The following LARGE1 variants were observed in gnomAD, a reference collection of about 807,000 sequenced individuals.
LARGE1 encodes the protein LARGE xylosyl- and glucuronyltransferase 1.
Under a neutral mutation model 87.6 loss-of-function variants are expected in LARGE1, and 43 were observed. The observed-to-expected ratio is 0.49, with a 90% CI of 0.38 to 0.63. LARGE1 has a LOEUF of 0.63. LARGE1 is among the 30% of genes least tolerant of loss of function. LARGE1 has a pLI of 0.00. For synonymous variants in LARGE1, 434 were observed against 394.6 expected, an observed-to-expected ratio of 1.10 and a Z score of -1.18; for missense variants, 802 against 1,000.2, an observed-to-expected ratio of 0.80 and a Z score of 2.67.
At chr22:33,241,294 C>T (rs1369679173) in intron 11 of LARGE1, among the ~76,000 whole-genome samples, 1 of 152,086 alleles carries the variant, frequency 6.6e-6, no homozygotes, top group African/African-American at 2.4e-5. Context: ...AGGCACACAC[C>T]ATTAGCTTAG....
intron 10 of LARGE1, among the ~76,000 whole-genome samples, chr22:33,333,197 T>G (rs1392953613): frequency 1.3e-5 from 2 of 152,060 alleles, no homozygotes; most frequent in Non-Finnish European, 2.9e-5. Flanking sequence ...TTTTTTGTAT[T>G]TTTAGAGAGA....
chr22:33,915,521 C>G (rs1212162931), intron 1 of LARGE1, among the ~76,000 whole-genome samples: 1 of 151,954 alleles, frequency 6.6e-6, no homozygotes, highest in Non-Finnish European at 1.5e-5. Context: ...AGGTGTAATT[C>G]ATGTACACAA....
chr22:33,330,721 G>A (rs1937607820), intron 10 of LARGE1, among the ~76,000 whole-genome samples: 1 of 152,202 alleles, frequency 6.6e-6, no homozygotes, highest in East Asian at 1.9e-4. Flanking sequence ...CACTGGGGGA[G>A]CCTGTTCTCT....
chr22:33,847,025 C>T (rs959966343), intron 1 of LARGE1, among the ~76,000 whole-genome samples: 6 of 152,186 alleles, frequency 3.9e-5, no homozygotes, highest in African/African-American at 1.4e-4. Flanking sequence ...ACACTCCCTC[C>T]CCTTTTGAAA....
chr22:33,368,576 A>G (rs1343746088), intron 9 of LARGE1, among the ~76,000 whole-genome samples: 1 of 151,830 alleles, frequency 6.6e-6, no homozygotes, highest in Non-Finnish European at 1.5e-5. Context: ...AATATGTTAA[A>G]TATTCCAAGA....
rs573936558 is a variant in LARGE1, at chr22:33,606,740, T to C, written c.492-2182A>G. On this transcript the variant is annotated intron_variant, in intron 4 of 14. Transcript: ENST00000397394. Reference sequence around the variant, plus strand: ...TGGGGACACAGTGGTGAGTCAGACATACCCACACTGCCCCTGCTGTCATGG... The same window carrying C: ...TGGGGACACAGTGGTGAGTCAGACACACCCACACTGCCCCTGCTGTCATGG... 5.3e-5 allele frequency among the ~76,000 whole-genome samples: 8 copies of C among 152,208 alleles called. No homozygotes were observed. The South Asian group carries it at 1.7e-3, about 32-fold the overall frequency.
chr22:33,740,327 A>C (rs547163545), intron 2 of LARGE1, among the ~76,000 whole-genome samples: 1 of 152,326 alleles, frequency 6.6e-6, no homozygotes, highest in South Asian at 2.1e-4. Flanking sequence ...AAGTATGCTA[A>C]ATGGCAATAG....
chr22:33,430,364 T>C (rs1451066865), intron 7 of LARGE1, among the ~76,000 whole-genome samples: 4 of 152,056 alleles, frequency 2.6e-5, no homozygotes, highest in Admixed American at 2.6e-4. Flanking sequence ...AAGAGTGAAA[T>C]ACCTCCTGAC....
At chr22:33,696,255 CTTTCTTTCTTT>C (rs1222760608) in intron 2 of LARGE1, among the ~76,000 whole-genome samples, 1 of 114,042 alleles carries the variant, frequency 8.8e-6, no homozygotes, top group Non-Finnish European at 1.8e-5. Context: ...TTCTTTCTTT[CTTTCTTTCTTT>C]TTTTTTTTTT....
At chr22:33,249,301 G>C (rs1926909977) in intron 11 of LARGE1, among the ~76,000 whole-genome samples, 1 of 152,182 alleles carries the variant, frequency 6.6e-6, no homozygotes, top group Admixed American at 6.5e-5. Flanking sequence ...ATATGATGTA[G>C]AGCAACTTTT....
At chr22:33,424,067 G>C (rs2066788218) in intron 7 of LARGE1, among the ~76,000 whole-genome samples, 1 of 152,168 alleles carries the variant, frequency 6.6e-6, no homozygotes, top group South Asian at 2.1e-4. Flanking sequence ...CAGAGGCCTA[G>C]GTACTGGTTC....
At chr22:33,334,077 C>T (rs1421109263) in intron 10 of LARGE1, among the ~76,000 whole-genome samples, 4 of 151,424 alleles carry the variant, frequency 2.6e-5, no homozygotes, top group Non-Finnish European at 4.4e-5. Context: ...GAGCCGAGAT[C>T]GCGGCACTGC....
intron 12 of LARGE1, 117 bp downstream of exon 12, chr22:33,304,112 C>A (rs1232153261): frequency 6.8e-6 from 8 of 1,181,590 alleles, no homozygotes; most frequent in Non-Finnish European, 8.5e-6. Context: ...TCTCTGCTGC[C>A]CCATCTGGAA....
At chr22:33,751,668 C>A (rs765033041) in intron 2 of LARGE1, among the ~76,000 whole-genome samples, 1 of 151,976 alleles carries the variant, frequency 6.6e-6, no homozygotes, top group Non-Finnish European at 1.5e-5. Context: ...TAATTGGAAT[C>A]CTATAGTATG....
At chr22:33,557,733 T>C (rs2077734642) in intron 6 of LARGE1, among the ~76,000 whole-genome samples, 2 of 152,122 alleles carry the variant, frequency 1.3e-5, no homozygotes, top group Admixed American at 1.3e-4. Context: ...GCCTGGCTAA[T>C]TTTTTATATT....
At position 33,909,339 on chromosome 22, in the gene LARGE1, G is replaced by A. The variant is rs1269671122; in HGVS notation, c.-83+10656C>T. ...TGGCGGCCCTTAGAACTTCATATAT[G>A]AACTGGTACAAAATCCTGTCCAGCT... On this transcript the variant is annotated intron_variant, in intron 1 of 14. Transcript: ENST00000397394. Among the ~76,000 whole-genome samples, 5 of 152,044 alleles carry A rather than the reference G, an allele frequency of 3.3e-5. No individual in the cohort carries two copies. The East Asian group carries it at 9.6e-4, about 29-fold the overall frequency.
chr22:33,074,761 G>C, the LARGE1 span, among the ~76,000 whole-genome samples: 1 of 152,096 alleles, frequency 6.6e-6, no homozygotes, highest in South Asian at 2.1e-4. Flanking sequence ...GAGGAGAAAG[G>C]GTCCTTTGTC....
At chr22:33,472,457 G>C (rs2068886280) in intron 6 of LARGE1, among the ~76,000 whole-genome samples, 1 of 152,038 alleles carries the variant, frequency 6.6e-6, no homozygotes, top group Non-Finnish European at 1.5e-5. Flanking sequence ...ATGAGAGCAG[G>C]ACTGATTCCT....
At chr22:33,206,246 G>A (rs1924677310) in intron 11 of LARGE1, among the ~76,000 whole-genome samples, 1 of 151,960 alleles carries the variant, frequency 6.6e-6, no homozygotes, top group Non-Finnish European at 1.5e-5. Context: ...GTGAGCCACT[G>A]CGCCCGGCCT....
Sources: allele counts gnomAD v4.1 joint callset (sites outside exome capture counted in the v4.1 genomes callset), GRCh38; gene constraint gnomAD v4.1.1; transcripts MANE v1.5; gene names NCBI Gene and HGNC (gene_info 2026-07-23, HGNC 2026-07-21).